WDR25: variants seen among roughly 807,000 people sequenced by gnomAD.
The protein encoded by WDR25 is WD repeat domain 25, also known as WD repeat-containing protein 25.
WDR25 carries 35 observed loss-of-function variants against 47.7 expected under a neutral mutation model. The observed-to-expected ratio is 0.73, with a 90% CI of 0.56 to 0.97. The LOEUF (loss-of-function observed/expected upper bound fraction) is 0.97. Ranked by LOEUF, WDR25 falls within the 50% of genes least tolerant of loss-of-function variation. The pLI is 0.00. For missense variants in WDR25, 634 were observed against 704.7 expected (o/e 0.90, Z 1.14); for synonymous variants, 248 against 278.9 (o/e 0.89, Z 1.10).
At chr14:100,435,741 C>G (rs1195042680) in intron 2 of WDR25, among the ~76,000 whole-genome samples, 1 of 152,182 alleles carries the variant, frequency 6.6e-6, no homozygotes, top group African/African-American at 2.4e-5. Flanking sequence ...GCTGTCCTGA[C>G]TTCAGAGAGC....
chr14:100,434,020 G>C (rs1898422350), intron 2 of WDR25, among the ~76,000 whole-genome samples: 1 of 151,486 alleles, frequency 6.6e-6, no homozygotes, highest in Non-Finnish European at 1.5e-5. Flanking sequence ...GAGGCCGGGA[G>C]TTTGAGACCA....
chr14:100,511,341 T>C (rs190286815), intron 4 of WDR25, among the ~76,000 whole-genome samples: 39 of 152,358 alleles, frequency 2.6e-4, no homozygotes, highest in Admixed American at 7.8e-4. Flanking sequence ...GGTTAGTATA[T>C]AGAAAAATTG....
chr14:100,412,617 T>G (rs1011542255), intron 2 of WDR25, among the ~76,000 whole-genome samples: 1 of 152,212 alleles, frequency 6.6e-6, no homozygotes, highest in Non-Finnish European at 1.5e-5. Context: ...TGTGTTTAGG[T>G]ATTTGTCTCT....
chr14:100,462,623 A>G (rs940856847), intron 2 of WDR25, among the ~76,000 whole-genome samples: 2 of 152,212 alleles, frequency 1.3e-5, no homozygotes, highest in African/African-American at 2.4e-5. Flanking sequence ...TTACAGATTG[A>G]TGGATCTCCT....
intron 5 of WDR25, among the ~76,000 whole-genome samples, chr14:100,527,337 C>A (rs370463328): frequency 6.6e-6 from 1 of 152,190 alleles, no homozygotes; most frequent in African/African-American, 2.4e-5. Context: ...CCACTGCTAC[C>A]GTCATCATTG....
At chr14:100,420,346 A>G (rs999064645) in intron 2 of WDR25, among the ~76,000 whole-genome samples, 1 of 151,894 alleles carries the variant, frequency 6.6e-6, no homozygotes, top group African/African-American at 2.4e-5. Flanking sequence ...GATTTTTCAT[A>G]TATCATTTTG....
At position 100,517,225 on chromosome 14, in the gene WDR25, C is replaced by T. The variant is rs927148996; in HGVS notation, c.1102-8645C>T. Among the ~76,000 whole-genome samples, 18 of 147,342 alleles carry T rather than the reference C, an allele frequency of 1.2e-4. 1 individual carries two copies. The highest frequency in any genetic ancestry group is 1.5e-5 in the Non-Finnish European group (1 of 67,502). On this transcript the variant is annotated intron_variant, in intron 4 of 6. Transcript: ENST00000402312. ...CCGCCTCCAGGGTTCACGCCATTCT[C>T]CTGCCTCACGCCTGGCTAATTTTTT...
chr14:100,420,336 G>A (rs1263749439), intron 2 of WDR25, among the ~76,000 whole-genome samples: 1 of 152,126 alleles, frequency 6.6e-6, no homozygotes, highest in African/African-American at 2.4e-5. Flanking sequence ...GTTCTATAGG[G>A]ATTTTTCATA....
intron 1 of WDR25, chr14:100,376,785 G>T (rs1896694834): frequency 1.7e-6 from 2 of 1,209,686 alleles, no homozygotes; most frequent in African/African-American, 3.1e-5. Flanking sequence ...ACCCACACCA[G>T]ACCCAGCATA....
At chr14:100,527,925 G>A (rs2030264253) in intron 5 of WDR25, among the ~76,000 whole-genome samples, 1 of 152,106 alleles carries the variant, frequency 6.6e-6, no homozygotes, top group Non-Finnish European at 1.5e-5. Context: ...AGCTTGAGGG[G>A]GTAGTTTTTA....
chr14:100,431,549 C>CTTT (rs777753335), intron 2 of WDR25, among the ~76,000 whole-genome samples: 1 of 139,360 alleles, frequency 7.2e-6, no homozygotes. Flanking sequence ...TTGGTAATTT[C>CTTT]TTTTTTTTTT....
intron 2 of WDR25, among the ~76,000 whole-genome samples, chr14:100,415,554 T>A (rs11160587): frequency 0.3 from 45,289 of 152,014 alleles, 8,117 homozygotes; most frequent in African/African-American, 0.5. Flanking sequence ...AGATTTATTT[T>A]TATTCCAGGA....
chr14:100,378,902 G>GAGAAAAGAGGGA, intron 1 of WDR25, among the ~76,000 whole-genome samples: 1 of 22,654 alleles, frequency 4.4e-5, no homozygotes, highest in African/African-American at 9.4e-5. Flanking sequence ...AGCTTGCAGT[G>GAGAAAAGAGGGA]AGCCGAGATC....
At chr14:100,480,879 C>A (rs569264205) in intron 3 of WDR25, 1 of 273,322 alleles carries the variant, frequency 3.7e-6, no homozygotes, top group Non-Finnish European at 7.3e-6. Flanking sequence ...GGAAAATGTC[C>A]GGGCAGCCCA....
intron 4 of WDR25, among the ~76,000 whole-genome samples, chr14:100,509,628 T>C (rs557099506): frequency 5.4e-4 from 83 of 152,348 alleles, no homozygotes; most frequent in African/African-American, 1.9e-3. Flanking sequence ...ATGTACAGTT[T>C]AAGTTTTCAT....
chr14:100,466,309 T>G lies in WDR25; in HGVS notation c.823-1712T>G, dbSNP rs74570091. Among the ~76,000 whole-genome samples the G allele has an allele frequency of 4.1e-4, 62 of 152,324 alleles. 1 individual carries two copies. In the East Asian group the frequency reaches 9.3e-3, roughly 23 times the overall value. The stretch of plus-strand genomic sequence containing the variant: ...CTTTTGTTTTCTTAAGTGTAGACAT[T>G]TACATAATCCCAGGAAACAAGGTTT... On this transcript the variant is annotated intron_variant, in intron 2 of 6. Coordinates refer to ENST00000402312, the MANE Select transcript of WDR25 (RefSeq NM_001161476.3).
At chr14:100,516,996 T>C (rs1263185560) in intron 4 of WDR25, among the ~76,000 whole-genome samples, 1 of 151,554 alleles carries the variant, frequency 6.6e-6, no homozygotes, top group Non-Finnish European at 1.5e-5. Context: ...AGTTGTATGA[T>C]CATAGATCAC....
intron 4 of WDR25, among the ~76,000 whole-genome samples, chr14:100,505,557 G>A (rs1901081976): frequency 6.6e-6 from 1 of 152,060 alleles, no homozygotes; most frequent in Non-Finnish European, 1.5e-5. Flanking sequence ...AGATTTTTCT[G>A]GCTATTCTAG....
chr14:100,418,300 A>G (rs1488298768), intron 2 of WDR25, among the ~76,000 whole-genome samples: 1 of 151,212 alleles, frequency 6.6e-6, no homozygotes, highest in Non-Finnish European at 1.5e-5. Flanking sequence ...ACACAATGTC[A>G]CCTAGCACTG....
Sources: allele counts gnomAD v4.1 joint callset (sites outside exome capture counted in the v4.1 genomes callset), GRCh38; gene constraint gnomAD v4.1.1; transcripts MANE v1.5; gene names NCBI Gene and HGNC (gene_info 2026-07-23, HGNC 2026-07-21).